Variants in RAB28 observed in about 807,000 individuals in gnomAD.
RAB28 encodes the protein RAB28, member RAS oncogene family, also known as ras-related protein Rab-28.
Under a neutral mutation model 31.7 loss-of-function variants are expected in RAB28, and 24 were observed. That is an observed-to-expected ratio of 0.76 (90% CI 0.55 to 1.06). The LOEUF (loss-of-function observed/expected upper bound fraction) is 1.06, where lower values mean the gene tolerates loss of function less well. Among genes scored for constraint, RAB28 ranks in the 50% least tolerant of loss-of-function variants. The pLI is 0.00. For synonymous variants in RAB28, 100 were observed against 90.4 expected, an observed-to-expected ratio of 1.11 and a Z score of -0.60; for missense variants, 254 against 258.5, an observed-to-expected ratio of 0.98 and a Z score of 0.12.
At chr4:13,369,365 C>T (rs1413513593) in intron 6 of RAB28, among the ~76,000 whole-genome samples, 1 of 152,060 alleles carries the variant, frequency 6.6e-6, no homozygotes, top group Non-Finnish European at 1.5e-5. Flanking sequence ...TTCCCTCTAA[C>T]ACACACTTCA....
chr4:13,396,432 C>G (rs1434738392), intron 4 of RAB28, among the ~76,000 whole-genome samples: 1 of 151,996 alleles, frequency 6.6e-6, no homozygotes, highest in Non-Finnish European at 1.5e-5. Context: ...TTTAATTTTA[C>G]CCTGCCATGT....
chr4:13,463,034 A>G (rs927370431), intron 3 of RAB28, among the ~76,000 whole-genome samples: 4 of 152,170 alleles, frequency 2.6e-5, no homozygotes, highest in Admixed American at 2.0e-4. Flanking sequence ...AAAATACCTG[A>G]TATGCCTACA....
intron 4 of RAB28, among the ~76,000 whole-genome samples, chr4:13,447,707 A>G (rs1714769505): frequency 6.6e-6 from 1 of 152,170 alleles, no homozygotes; most frequent in Admixed American, 6.5e-5. Context: ...CAATAAATCC[A>G]GATTTATTAT....
chr4:13,427,656 G>A (rs1390133249), intron 4 of RAB28, among the ~76,000 whole-genome samples: 3 of 152,162 alleles, frequency 2.0e-5, no homozygotes, highest in Non-Finnish European at 4.4e-5. Flanking sequence ...TAAGCTGCAC[G>A]TGAATATGGC....
At chr4:13,457,350 A>T (rs1410265858) in intron 4 of RAB28, among the ~76,000 whole-genome samples, 1 of 152,224 alleles carries the variant, frequency 6.6e-6, no homozygotes, top group Non-Finnish European at 1.5e-5. Flanking sequence ...TAGAAATTAA[A>T]ATATATTCAG....
At chr4:13,447,448 A>T (rs774476421) in intron 4 of RAB28, among the ~76,000 whole-genome samples, 1 of 152,098 alleles carries the variant, frequency 6.6e-6, no homozygotes, top group African/African-American at 2.4e-5. Context: ...GAACCTTGGG[A>T]TAATAAATTT....
intron 4 of RAB28, among the ~76,000 whole-genome samples, chr4:13,428,118 T>C (rs1278743741): frequency 1.3e-5 from 2 of 152,208 alleles, no homozygotes; most frequent in Non-Finnish European, 2.9e-5. Context: ...ATACAATACC[T>C]GGAATCTGTA....
rs367823781 is a variant in RAB28, at chr4:13,371,624, G to A, written c.574-2974C>T. Reference sequence around the variant, plus strand: ...ACATAAAGCTTTGTAAAATGTTTCCGAACTGTAAGCCATAACCAAGGCTCT... The same window carrying A: ...ACATAAAGCTTTGTAAAATGTTTCCAAACTGTAAGCCATAACCAAGGCTCT... On this transcript the variant is annotated intron_variant, in intron 6 of 6. Coordinates refer to ENST00000330852, the MANE Select transcript of RAB28 (RefSeq NM_001017979.3). The A allele has an allele frequency of 3.6e-5, 35 of 985,220 alleles. No homozygotes were observed. The African/African-American group carries it at 4.0e-4, about 11-fold the overall frequency. The allele number at this position is 985,220 out of a possible 1,614,324, so 61.0% of individuals were successfully genotyped here.
intron 4 of RAB28, among the ~76,000 whole-genome samples, chr4:13,458,295 T>A (rs1005794362): frequency 6.6e-6 from 1 of 151,816 alleles, no homozygotes; most frequent in African/African-American, 2.4e-5. Flanking sequence ...ACCTGTGTCA[T>A]CATGGTTTTA....
intron 4 of RAB28, 93 bp downstream of exon 4, chr4:13,460,606 G>C (rs1014919749): frequency 2.7e-5 from 41 of 1,491,268 alleles, no homozygotes; most frequent in Non-Finnish European, 3.5e-5. Flanking sequence ...TTAGGTCTTT[G>C]ACATATAAAT....
chr4:13,415,496 G>T (rs1712713449), intron 4 of RAB28, among the ~76,000 whole-genome samples: 1 of 152,162 alleles, frequency 6.6e-6, no homozygotes, highest in African/African-American at 2.4e-5. Flanking sequence ...AGAGCGCCCG[G>T]CCAGCCCTGC....
intron 4 of RAB28, chr4:13,459,968 T>C (rs1186814720): frequency 2.5e-6 from 3 of 1,199,962 alleles, no homozygotes; most frequent in African/African-American, 3.1e-5. Flanking sequence ...TAAACTTACC[T>C]TCACAGGAAT....
At chr4:13,424,616 T>C (rs922373650) in intron 4 of RAB28, among the ~76,000 whole-genome samples, 1 of 152,198 alleles carries the variant, frequency 6.6e-6, no homozygotes, top group African/African-American at 2.4e-5. Context: ...ACAAAAAAAC[T>C]AGGCTTCCTA....
rs890898587 is a variant in RAB28 at position 13,484,185 on chromosome 4, G to C, written c.-35C>G. On this transcript the variant is annotated 5_prime_UTR_variant, in exon 1 of 7. Transcript: ENST00000330852. ...GGAACCAGGCCCGCCCCTCGAGGTG[G>C]GGGGGGAAGGGAAGGATGAAGGCTC... 1.4e-5 allele frequency: 22 copies of C among 1,538,666 alleles called. No individual in the cohort carries two copies. The highest frequency in any genetic ancestry group is 4.7e-5 in the South Asian group (4 of 84,594).
chr4:13,452,765 C>A (rs1009733956), intron 4 of RAB28, among the ~76,000 whole-genome samples: 1 of 152,050 alleles, frequency 6.6e-6, no homozygotes, highest in African/African-American at 2.4e-5. Context: ...GTGAAATGTT[C>A]TGTAAACGTC....
chr4:13,460,766 A>T lies in RAB28; in HGVS notation c.324T>A (p.Tyr108Ter). The T allele has an allele frequency of 6.2e-7, 1 of 1,614,008 alleles. No homozygotes were observed. Among genetic ancestry groups the T allele is most frequent in the South Asian group, 1.1e-5 (1 of 91,086 alleles). The change falls in exon 4 of 7, where the codon TAT (tyrosine) becomes TAA (stop). Residue 108 changes from tyrosine (Y) to a stop codon, truncating the protein, a stop_gained. Coordinates refer to ENST00000330852, the MANE Select transcript of RAB28 (RefSeq NM_001017979.3). LOFTEE classifies it high-confidence loss of function. The part of the protein sequence containing the change: ...YQSFENLEDW[Y>*]TVVKKVSEES... ...CCTCGCTCACTTTCTTCACCACAGT[A>T]TACCAATCTTCTAAATTCTCAAAGC...
At chr4:13,416,035 T>A (rs1315007909) in intron 4 of RAB28, among the ~76,000 whole-genome samples, 3 of 152,174 alleles carry the variant, frequency 2.0e-5, no homozygotes, top group Non-Finnish European at 2.9e-5. Context: ...AGAACCTTTG[T>A]GTCTAGCTCA....
chr4:13,424,903 G>T (rs1046276582), intron 4 of RAB28, among the ~76,000 whole-genome samples: 1 of 151,934 alleles, frequency 6.6e-6, no homozygotes, highest in Non-Finnish European at 1.5e-5. Context: ...TCTTAAAATT[G>T]AAAGCAAAGC....
rs118132318 is a variant in RAB28 at position 13,401,870 on chromosome 4, T to C, written c.392-20276A>G. Among the ~76,000 whole-genome samples the C allele has an allele frequency of 4.2e-3, 646 of 152,340 alleles. 11 individuals are homozygous for C. Among genetic ancestry groups the C allele is most frequent in the East Asian group, 0.034 (175 of 5,186 alleles). On this transcript the variant is annotated intron_variant, in intron 4 of 6. Transcript: ENST00000330852. Reference sequence around the variant, plus strand: ...AAGGTGGAAACTTACATCACTGATTTTGAAAACTTAGTTTTTCAAGTATAA... The same window carrying C: ...AAGGTGGAAACTTACATCACTGATTCTGAAAACTTAGTTTTTCAAGTATAA...
Sources: allele counts gnomAD v4.1 joint callset (sites outside exome capture counted in the v4.1 genomes callset), GRCh38; gene constraint gnomAD v4.1.1; transcripts MANE v1.5; gene names NCBI Gene and HGNC (gene_info 2026-07-23, HGNC 2026-07-21).